NMD3: variants seen among roughly 807,000 people sequenced by gnomAD.
The protein encoded by NMD3 is 60S ribosomal export protein NMD3.
Under a neutral mutation model 73.1 loss-of-function variants are expected in NMD3, and 47 were observed. That is an observed-to-expected ratio of 0.64 (90% confidence interval 0.51 to 0.82). NMD3 has a LOEUF of 0.82. Among genes scored for constraint, NMD3 ranks in the 40% least tolerant of loss-of-function variants. NMD3 has a pLI of 0.00. For synonymous variants in NMD3, 210 were observed against 194.5 expected, an observed-to-expected ratio of 1.08 and a Z score of -0.66; for missense variants, 554 against 612.5, an observed-to-expected ratio of 0.90 and a Z score of 1.01.
rs749407622 is a variant in NMD3, at chr3:161,234,859, A to G, written c.486+4A>G. The G allele has an allele frequency of 4.3e-6, 7 of 1,612,804 alleles. No homozygotes were observed. Among genetic ancestry groups the G allele is most frequent in the Non-Finnish European group, 5.1e-6 (6 of 1,179,220 alleles). On this transcript the variant is annotated splice_donor_region_variant and intron_variant, in intron 6 of 15. Transcript: ENST00000351193. ...TGTGATTCAAGTGAGGCAAAAGGTA[A>G]TGAGAGAAGATGATGAGTGAGTCCT...
chr3:161,236,267 A>G (rs1370538547), intron 7 of NMD3, among the ~76,000 whole-genome samples: 1 of 152,126 alleles, frequency 6.6e-6, no homozygotes, highest in African/African-American at 2.4e-5. Flanking sequence ...TTATATATAA[A>G]AAACTACCAA....
At chr3:161,244,639 C>CT (rs11336851) in intron 11 of NMD3, among the ~76,000 whole-genome samples, 23 of 128,848 alleles carry the variant, frequency 1.8e-4, no homozygotes, top group Middle Eastern at 8.1e-3. Context: ...ATTTCTTTTC[C>CT]TTTTTTTTTT....
intron 7 of NMD3, among the ~76,000 whole-genome samples, chr3:161,236,726 G>A (rs1159288064): frequency 1.3e-5 from 2 of 148,224 alleles, no homozygotes; most frequent in African/African-American, 5.3e-5. Context: ...TCTAACTCTT[G>A]AGTTAATTTT....
chr3:161,235,372 C>T (rs577579530), intron 7 of NMD3, 160 bp downstream of exon 7: 1 of 399,646 alleles, frequency 2.5e-6, no homozygotes. Context: ...TCTGCACTGT[C>T]CAGTATGGTA....
At chr3:161,250,209 A>G in intron 14 of NMD3, 47 bp from the exon 15 acceptor site, 1 of 1,075,688 alleles carries the variant, frequency 9.3e-7, no homozygotes, top group Non-Finnish European at 1.4e-6. Flanking sequence ...AATGAAGAAA[A>G]TATAACTATA....
At chr3:161,247,231 C>T in intron 12 of NMD3, 27 bp from the exon 13 acceptor site, 1 of 1,513,524 alleles carries the variant, frequency 6.6e-7, no homozygotes, top group Non-Finnish European at 9.2e-7. Context: ...TAAATGGTCA[C>T]TAAGTTTTTC....
At chr3:161,233,114 T>G (rs909990936) in intron 4 of NMD3, among the ~76,000 whole-genome samples, 1 of 20,876 alleles carries the variant, frequency 4.8e-5, no homozygotes, top group African/African-American at 1.0e-3. Context: ...GACAATGTAC[T>G]TTTTTTTTTT....
chr3:161,221,216 G>C (rs988695798), upstream of NMD3: 1 of 152,158 alleles, frequency 6.6e-6, no homozygotes, highest in African/African-American at 2.4e-5. Flanking sequence ...TCACCCTTCC[G>C]CCCGTCGGTG....
chr3:161,224,236 G>T (rs1736218111), intron 2 of NMD3, among the ~76,000 whole-genome samples: 1 of 152,084 alleles, frequency 6.6e-6, no homozygotes, highest in Non-Finnish European at 1.5e-5. Context: ...AATAAATTGA[G>T]TTTCTCAGTT....
rs144452323 is a variant in NMD3, at chr3:161,235,147, A to G, written c.512A>G (p.Tyr171Cys). 32 of 1,537,108 alleles carry G rather than the reference A, an allele frequency of 2.1e-5. No homozygotes were observed. The highest frequency in any genetic ancestry group is 2.6e-5 in the Non-Finnish European group (29 of 1,123,422). Residue 171 changes from tyrosine (Y) to cysteine (C), a missense_variant, in exon 7 of 16, where the codon TAT (tyrosine) becomes TGT (cysteine). Tyr to Cys is a radical substitution (Grantham distance 194). Transcript: ENST00000351193. The part of the protein sequence containing the change: ...QKTLHKKTFY[Y>C]LEQLILKYGM... ...ACTTTGCATAAAAAAACTTTCTACTATCTGGAACAGTTAATTCTGAAATAT... is the reference window on the plus strand; with the variant it reads ...ACTTTGCATAAAAAAACTTTCTACTGTCTGGAACAGTTAATTCTGAAATAT...
chr3:161,225,018 G>A lies in NMD3; in HGVS notation c.133G>A (p.Gly45Ser). 6.2e-7 allele frequency: 1 copy of A among 1,613,972 alleles called. No individual in the cohort carries two copies. Among genetic ancestry groups the A allele is most frequent in the Non-Finnish European group, 8.5e-7 (1 of 1,179,974 alleles). The change falls in exon 3 of 16, where the codon GGT becomes AGT. Residue 45 changes from glycine to serine, a missense_variant. Transcript: ENST00000351193. ...CLRSKVDISQ[G>S]IPKQVSISFC... is the part of the protein sequence containing the mutation. ...GCGAAGTAAAGTGGACATCAGCCAA[G>A]GTATTCCGAAACAAGTCTCGATTTC... is the stretch of plus-strand genomic sequence containing the variant.
rs376795475 is a variant in NMD3 at position 161,227,894 on chromosome 3, C to G, written c.276+551C>G. Reference sequence around the variant, plus strand: ...TTAATTTTTTTCCTTTGTTATTTATCGAGAATCTCATGTATAATTTTTTAA... The same window carrying G: ...TTAATTTTTTTCCTTTGTTATTTATGGAGAATCTCATGTATAATTTTTTAA... On this transcript the variant is annotated intron_variant, in intron 4 of 15. Coordinates refer to ENST00000351193, the MANE Select transcript of NMD3 (RefSeq NM_015938.5). 4.6e-5 allele frequency among the ~76,000 whole-genome samples: 7 copies of G among 151,852 alleles called. No homozygotes were observed. In the East Asian group the frequency reaches 1.4e-3, roughly 29 times the overall value.
intron 11 of NMD3, 66 bp from the exon 12 acceptor site, chr3:161,246,270 T>A (rs1403785008): frequency 3.2e-6 from 2 of 620,802 alleles, no homozygotes; most frequent in Non-Finnish European, 5.2e-6. Context: ...TGTATTTAAC[T>A]TTTCTCTGAG....
chr3:161,227,769 C>T (rs756547470), intron 4 of NMD3, among the ~76,000 whole-genome samples: 3 of 152,052 alleles, frequency 2.0e-5, no homozygotes, highest in Non-Finnish European at 4.4e-5. Flanking sequence ...TTAAATGTTA[C>T]TATTGTTGCC....
intron 13 of NMD3, 144 bp downstream of exon 13, chr3:161,247,474 A>ATTT (rs372150378): frequency 7.7e-5 from 27 of 351,482 alleles, no homozygotes; most frequent in South Asian, 5.7e-4. Flanking sequence ...TAATAGCAAA[A>ATTT]TTTTTTTTTT....
intron 3 of NMD3, 134 bp from the exon 4 acceptor site, chr3:161,227,113 G>T: frequency 9.9e-6 from 5 of 506,532 alleles, no homozygotes; most frequent in East Asian, 3.6e-5. Flanking sequence ...AAATATGTTT[G>T]AGTTAAGTGC....
At chr3:161,225,140 A>C (rs976976291) in intron 3 of NMD3, 76 bp downstream of exon 3, 20 of 1,466,960 alleles carry the variant, frequency 1.4e-5, no homozygotes, top group Admixed American at 4.1e-5. Flanking sequence ...TGCTGAGATT[A>C]CACGAAGGTA....
intron 1 of NMD3, 45 bp from the exon 2 acceptor site, chr3:161,221,949 C>CAA (rs1203800517): frequency 8.6e-7 from 1 of 1,164,158 alleles, no homozygotes; most frequent in Non-Finnish European, 1.2e-6. Context: ...ATTTAAATCC[C>CAA]AACATTCTCT....
chr3:161,249,104 G>C (rs1158730489), intron 13 of NMD3, among the ~76,000 whole-genome samples: 1 of 152,180 alleles, frequency 6.6e-6, no homozygotes, highest in Non-Finnish European at 1.5e-5. Flanking sequence ...GAGAAAAAAA[G>C]TATCTACTTG....
Sources: gnomAD v4.1 joint callset for allele counts (sites outside exome capture counted in the v4.1 genomes callset) on GRCh38, gnomAD v4.1.1 for gene constraint, MANE v1.5 for transcripts, NCBI Gene and HGNC (gene_info 2026-07-23, HGNC 2026-07-21) for gene names.